ADGRL3: variants seen among roughly 807,000 people sequenced by gnomAD.
ADGRL3 encodes adhesion G protein-coupled receptor L3, also known as calcium-independent alpha-latrotoxin receptor 3.
ADGRL3 carries 62 observed loss-of-function variants against 153.5 expected under a neutral mutation model. The ratio of observed to expected loss-of-function variants is 0.40; its 90% confidence interval spans 0.33 to 0.50. The LOEUF (loss-of-function observed/expected upper bound fraction) is 0.50, where lower values mean the gene tolerates loss of function less well. Among genes scored for constraint, ADGRL3 ranks in the 20% least tolerant of loss-of-function variants. The pLI is 0.47. For missense variants in ADGRL3, 1,641 were observed against 1,859.4 expected (o/e 0.88, Z 2.16); for synonymous variants, 710 against 672.5 (o/e 1.06, Z -0.86).
intron 2 of ADGRL3, among the ~76,000 whole-genome samples, chr4:61,445,221 A>T (rs1196287882): frequency 3.3e-5 from 5 of 152,180 alleles, no homozygotes; most frequent in Admixed American, 1.3e-4. Flanking sequence ...TGGTACTAGG[A>T]GGAGGATGAT....
chr4:61,646,944 G>C (rs1436035192), intron 5 of ADGRL3, among the ~76,000 whole-genome samples: 1 of 152,310 alleles, frequency 6.6e-6, no homozygotes, highest in South Asian at 2.1e-4. Context: ...GTGGGCGTAG[G>C]ACCCTCCGAG....
chr4:61,731,146 A>G (rs764045972), intron 7 of ADGRL3, among the ~76,000 whole-genome samples: 5 of 152,018 alleles, frequency 3.3e-5, no homozygotes, highest in African/African-American at 1.2e-4. Context: ...AAATTCTTAC[A>G]ATCAATATTA....
chr4:61,361,765 T>C (rs1255372113), intron 1 of ADGRL3, among the ~76,000 whole-genome samples: 1 of 152,164 alleles, frequency 6.6e-6, no homozygotes, highest in Non-Finnish European at 1.5e-5. Context: ...GTGAAGACTA[T>C]GAAAGATTTT....
intron 6 of ADGRL3, among the ~76,000 whole-genome samples, chr4:61,694,305 G>A (rs577724603): frequency 2.7e-5 from 4 of 146,022 alleles, no homozygotes; most frequent in East Asian, 2.0e-4. Flanking sequence ...TCAAAGTATC[G>A]GGATTACATG....
At chr4:61,281,673 G>A (rs1458774901) in intron 1 of ADGRL3, among the ~76,000 whole-genome samples, 1 of 152,094 alleles carries the variant, frequency 6.6e-6, no homozygotes, top group Non-Finnish European at 1.5e-5. Flanking sequence ...TTAGGGCAAA[G>A]TAAATCAGTA....
chr4:62,018,265 C>G (rs1246916512), intron 21 of ADGRL3, among the ~76,000 whole-genome samples: 1 of 152,100 alleles, frequency 6.6e-6, no homozygotes, highest in Non-Finnish European at 1.5e-5. Flanking sequence ...ACAGAGCTCT[C>G]AAGAGCTTTG....
At chr4:61,335,159 G>GT (rs2095650764) in intron 1 of ADGRL3, among the ~76,000 whole-genome samples, 1 of 152,160 alleles carries the variant, frequency 6.6e-6, no homozygotes, top group East Asian at 1.9e-4. Flanking sequence ...CTAGTTTTCT[G>GT]TTTTTTGTTT....
chr4:61,836,486 A>G (rs753390342), intron 9 of ADGRL3, among the ~76,000 whole-genome samples: 1 of 152,052 alleles, frequency 6.6e-6, no homozygotes, highest in Non-Finnish European at 1.5e-5. Context: ...TTGATATGAA[A>G]CTTTATAGTC....
chr4:62,033,176 G>T (rs1723088977), intron 23 of ADGRL3, among the ~76,000 whole-genome samples: 1 of 151,592 alleles, frequency 6.6e-6, no homozygotes, highest in African/African-American at 2.4e-5. Flanking sequence ...AGTCCTCTTG[G>T]GTTTTGACAT....
At chr4:61,966,299 T>C (rs1396280640) in intron 17 of ADGRL3, among the ~76,000 whole-genome samples, 3 of 152,210 alleles carry the variant, frequency 2.0e-5, no homozygotes, top group Non-Finnish European at 2.9e-5. Context: ...ATGCAGTGTC[T>C]ATTATATGGT....
chr4:61,741,208 A>G (rs1223071929), intron 8 of ADGRL3, among the ~76,000 whole-genome samples: 3 of 152,214 alleles, frequency 2.0e-5, no homozygotes, highest in African/African-American at 4.8e-5. Context: ...TTAGTTAAAT[A>G]TGGTGCACCC....
chr4:62,038,276 A>G (rs1242603892), intron 24 of ADGRL3, among the ~76,000 whole-genome samples: 1 of 152,138 alleles, frequency 6.6e-6, no homozygotes, highest in Non-Finnish European at 1.5e-5. Context: ...ATGTTTAGTA[A>G]AAATAACTAT....
rs144740490 is a variant in ADGRL3, at chr4:61,672,676, G to A, written c.474-4150G>A. On this transcript the variant is annotated intron_variant, in intron 5 of 26. Transcript: ENST00000683033. ...TTATGTTCAAAAAGACAAAAGATAA[G>A]TGTTGATGACAATGTAGAGGGAAGA... Among the ~76,000 whole-genome samples, 11 of 152,126 alleles carry A rather than the reference G, an allele frequency of 7.2e-5. No homozygotes were observed. In the East Asian group the frequency reaches 1.9e-3, roughly 27 times the overall value.
chr4:61,845,347 GT>G (rs763303723), intron 9 of ADGRL3, among the ~76,000 whole-genome samples: 9 of 150,774 alleles, frequency 6.0e-5, no homozygotes, highest in Non-Finnish European at 1.3e-4. Context: ...TTAATTAACT[GT>G]TTTGTAATTT....
intron 6 of ADGRL3, among the ~76,000 whole-genome samples, chr4:61,682,792 A>G (rs748490663): frequency 2.4e-4 from 37 of 152,072 alleles, no homozygotes; most frequent in Non-Finnish European, 4.9e-4. Context: ...ATTCTCAACT[A>G]GATTATATTA....
intron 2 of ADGRL3, among the ~76,000 whole-genome samples, chr4:61,392,313 A>T (rs1232976100): frequency 3.9e-5 from 6 of 152,230 alleles, no homozygotes; most frequent in Middle Eastern, 6.8e-3. Flanking sequence ...ATGGATATTC[A>T]GCTGTTTTAT....
At chr4:61,946,026 G>T (rs970980843) in intron 15 of ADGRL3, among the ~76,000 whole-genome samples, 2 of 152,072 alleles carry the variant, frequency 1.3e-5, no homozygotes, top group African/African-American at 2.4e-5. Context: ...TAATTGACTT[G>T]TTTCCAGTTT....
chr4:61,246,992 G>A (rs1757356525), intron 1 of ADGRL3, among the ~76,000 whole-genome samples: 1 of 151,872 alleles, frequency 6.6e-6, no homozygotes, highest in Admixed American at 6.6e-5. Flanking sequence ...TACCACTTAT[G>A]GATTATCTTC....
intron 9 of ADGRL3, among the ~76,000 whole-genome samples, chr4:61,833,199 T>C (rs2097893341): frequency 6.6e-6 from 1 of 152,136 alleles, no homozygotes; most frequent in South Asian, 2.1e-4. Flanking sequence ...ACTGGCTGCA[T>C]GGAAATTTTA....
Sources: allele counts gnomAD v4.1 joint callset (sites outside exome capture counted in the v4.1 genomes callset), GRCh38; gene constraint gnomAD v4.1.1; transcripts MANE v1.5; gene names NCBI Gene and HGNC (gene_info 2026-07-23, HGNC 2026-07-21).